Variants in ZNF573 observed in about 807,000 individuals in gnomAD.
ZNF573 encodes zinc finger protein 573.
ZNF573 carries 41 observed loss-of-function variants against 57.4 expected under a neutral mutation model. That is an observed-to-expected ratio of 0.71 (90% confidence interval 0.56 to 0.93). The LOEUF is 0.93. ZNF573 is among the 40% of genes least tolerant of loss of function. The pLI is 0.00. For synonymous variants in ZNF573, 249 were observed against 261.0 expected, an observed-to-expected ratio of 0.95 and a Z score of 0.44; for missense variants, 730 against 794.8, an observed-to-expected ratio of 0.92 and a Z score of 0.98.
At chr19:37,752,012 A>G (rs2045442087) in intron 4 of ZNF573, among the ~76,000 whole-genome samples, 1 of 148,498 alleles carries the variant, frequency 6.7e-6, no homozygotes, top group Non-Finnish European at 1.5e-5. Flanking sequence ...TATATAGTAC[A>G]TAGTACCGTA....
chr19:37,744,079 T>C, intron 4 of ZNF573, among the ~76,000 whole-genome samples: 1 of 150,582 alleles, frequency 6.6e-6, no homozygotes, highest in Non-Finnish European at 1.5e-5. Context: ...CAAACCTGCA[T>C]GTTCTGCACA....
intron 1 of ZNF573, among the ~76,000 whole-genome samples, chr19:37,774,720 C>T (rs946195258): frequency 6.6e-6 from 1 of 152,136 alleles, no homozygotes; most frequent in Non-Finnish European, 1.5e-5. Context: ...AAAAGACAGA[C>T]AAGCATTGAG....
At chr19:37,759,851 C>T (rs989335940) in intron 4 of ZNF573, among the ~76,000 whole-genome samples, 1 of 152,190 alleles carries the variant, frequency 6.6e-6, no homozygotes, top group African/African-American at 2.4e-5. Flanking sequence ...AACCTTCACT[C>T]GTCTTTGTTC....
At chr19:37,765,389 T>C (rs758145255) in intron 4 of ZNF573, among the ~76,000 whole-genome samples, 2 of 152,126 alleles carry the variant, frequency 1.3e-5, no homozygotes, top group Non-Finnish European at 2.9e-5. Flanking sequence ...CACTTTGTCA[T>C]ATCAGATGGG....
chr19:37,740,206 G>A lies in ZNF573; in HGVS notation c.296-12C>T, dbSNP rs372984105. On this transcript the variant is annotated splice_polypyrimidine_tract_variant and intron_variant, in intron 4 of 4. Coordinates refer to ENST00000536220, the MANE Select transcript of ZNF573 (RefSeq NM_001172690.2). ...CTGTAAATCCAAATCTGAAACAAAA[G>A]AGGACAACAAAAAAAATTTGTATTT... The A allele has an allele frequency of 6.5e-7, 1 of 1,535,558 alleles. No homozygotes were observed. The highest frequency in any genetic ancestry group is 2.2e-5 in the Admixed American group (1 of 44,992).
intron 3 of ZNF573, chr19:37,770,429 T>C: frequency 4.9e-6 from 1 of 203,702 alleles, no homozygotes; most frequent in East Asian, 1.4e-4. Flanking sequence ...GCCATGTGAC[T>C]TCAACTCATT....
At chr19:37,748,861 A>G (rs1202458826) in intron 4 of ZNF573, among the ~76,000 whole-genome samples, 3 of 139,016 alleles carry the variant, frequency 2.2e-5, no homozygotes, top group Non-Finnish European at 4.6e-5. Context: ...CAGGAGGCAG[A>G]GGTTGCAGTG....
chr19:37,748,876 G>A (rs34028688), intron 4 of ZNF573, among the ~76,000 whole-genome samples: 10,267 of 141,588 alleles, frequency 0.073, 512 homozygotes, highest in Non-Finnish European at 0.1. Flanking sequence ...GCAGTGAGCC[G>A]AGATAGCACC....
chr19:37,760,876 C>A (rs560563570), intron 4 of ZNF573, among the ~76,000 whole-genome samples: 2 of 151,046 alleles, frequency 1.3e-5, no homozygotes, highest in East Asian at 4.0e-4. Flanking sequence ...AATGCAAAAT[C>A]ATCAGTAGGC....
At chr19:37,744,447 C>T (rs190424420) in intron 4 of ZNF573, among the ~76,000 whole-genome samples, 1 of 152,098 alleles carries the variant, frequency 6.6e-6, no homozygotes, top group East Asian at 1.9e-4. Flanking sequence ...ACATCAAAAA[C>T]AGAGTCAGGG....
At chr19:37,752,558 G>A (rs903413291) in intron 4 of ZNF573, among the ~76,000 whole-genome samples, 3 of 152,096 alleles carry the variant, frequency 2.0e-5, no homozygotes, top group South Asian at 2.1e-4. Context: ...CAAATCTATC[G>A]ATATCAAAGG....
chr19:37,769,649 C>A (rs2045635210), intron 4 of ZNF573, among the ~76,000 whole-genome samples: 2 of 149,940 alleles, frequency 1.3e-5, no homozygotes, highest in Middle Eastern at 6.8e-3. Flanking sequence ...TCACCTGAAC[C>A]CAGGAGGTGG....
At chr19:37,776,522 A>G (rs1300835651) in intron 1 of ZNF573, among the ~76,000 whole-genome samples, 4 of 152,256 alleles carry the variant, frequency 2.6e-5, no homozygotes, top group Non-Finnish European at 5.9e-5. Context: ...ACCTGAAACC[A>G]TAAAAATTCT....
At position 37,738,324 on chromosome 19, in the gene ZNF573, A is replaced by C; in HGVS notation, c.*168T>G. 1.7e-6 allele frequency: 1 copy of C among 592,710 alleles called. No individual in the cohort carries two copies. The highest frequency in any genetic ancestry group is 3.3e-5 in the East Asian group (1 of 30,628). 36.7% of individuals were successfully genotyped at this position (592,710 alleles called of 1,614,324 possible). On this transcript the variant is annotated 3_prime_UTR_variant, in exon 5 of 5. Transcript: ENST00000536220. ...TTTCTTAATTTACCATTGAATAGTC[A>C]GATATTCCATTAAAACAGGACTGAC...
chr19:37,759,379 T>G (rs760299318), intron 4 of ZNF573, among the ~76,000 whole-genome samples: 1 of 152,082 alleles, frequency 6.6e-6, no homozygotes, highest in Non-Finnish European at 1.5e-5. Context: ...AATACAAACA[T>G]AGATTTAGTT....
In ZNF573 at chr19:37,738,997, T is replaced by C. The variant is rs777080821; in HGVS notation, c.1493A>G (p.Tyr498Cys). 3 of 1,613,796 alleles carry C rather than the reference T, an allele frequency of 1.9e-6. No homozygotes were observed. Among genetic ancestry groups the C allele is most frequent in the Admixed American group, 1.7e-5 (1 of 59,954 alleles). ...GGTCTTGCCACATTCCTTACATTTA[T>C]AGGGTTTCTCACCAGTATGAGTTTT... ...HRKTHTGEKP[Y>C]KCKECGKTFS... The change falls in exon 5 of 5, where the codon TAT becomes TGT. Residue 498 changes from tyrosine (Y) to cysteine (C), a missense_variant. Transcript: ENST00000536220.
chr19:37,766,773 C>T (rs965855004), intron 4 of ZNF573, among the ~76,000 whole-genome samples: 1 of 152,108 alleles, frequency 6.6e-6, no homozygotes, highest in East Asian at 1.9e-4. Flanking sequence ...AGGAAAAGTG[C>T]CAACATATGA....
At chr19:37,769,727 GAAAAAAAA>G (rs397944905) in intron 4 of ZNF573, among the ~76,000 whole-genome samples, 1 of 55,222 alleles carries the variant, frequency 1.8e-5, no homozygotes, top group Non-Finnish European at 3.5e-5. Context: ...CTCTGTCTCG[GAAAAAAAA>G]AAAAAAAAAA....
chr19:37,778,273 T>G (rs900121285), intron 1 of ZNF573, among the ~76,000 whole-genome samples: 1 of 149,858 alleles, frequency 6.7e-6, no homozygotes, highest in Non-Finnish European at 1.5e-5. Flanking sequence ...CCCAGCACTT[T>G]GGGAGGCCGA....
Sources: gnomAD v4.1 joint callset for allele counts (sites outside exome capture counted in the v4.1 genomes callset) on GRCh38, gnomAD v4.1.1 for gene constraint, MANE v1.5 for transcripts, NCBI Gene and HGNC (gene_info 2026-07-23, HGNC 2026-07-21) for gene names.